Variants in CORIN observed in about 807,000 individuals in gnomAD.
The protein encoded by CORIN is corin, serine peptidase.
Under a neutral mutation model 125.3 loss-of-function variants are expected in CORIN, and 117 were observed. The observed-to-expected ratio is 0.93, with a 90% confidence interval of 0.80 to 1.09. The LOEUF (loss-of-function observed/expected upper bound fraction) is 1.09, where lower values mean the gene tolerates loss of function less well. Among genes scored for constraint, CORIN ranks in the 50% least tolerant of loss-of-function variants. CORIN has a pLI of 0.00. For missense variants in CORIN, 1,253 were observed against 1,306.7 expected, an observed-to-expected ratio of 0.96 and a Z score of 0.63; for synonymous variants, 450 against 466.4, an observed-to-expected ratio of 0.96 and a Z score of 0.45.
chr4:47,662,492 T>G (rs961266874), intron 11 of CORIN, among the ~76,000 whole-genome samples: 3 of 152,214 alleles, frequency 2.0e-5, no homozygotes, highest in Non-Finnish European at 4.4e-5. Flanking sequence ...GTATTATGTC[T>G]TTTGTCTCCA....
chr4:47,753,998 T>C (rs2109853633), intron 4 of CORIN, among the ~76,000 whole-genome samples: 1 of 152,340 alleles, frequency 6.6e-6, no homozygotes, highest in African/African-American at 2.4e-5. Flanking sequence ...GTCCCTCACT[T>C]TCCTCAACAC....
intron 5 of CORIN, among the ~76,000 whole-genome samples, chr4:47,723,781 G>A (rs1227945618): frequency 6.6e-6 from 1 of 151,850 alleles, no homozygotes; most frequent in Non-Finnish European, 1.5e-5. Context: ...AGGATCACAA[G>A]GTCAGGAAAT....
chr4:47,783,404 C>G (rs1730638449), intron 3 of CORIN, among the ~76,000 whole-genome samples: 1 of 152,048 alleles, frequency 6.6e-6, no homozygotes, highest in African/African-American at 2.4e-5. Context: ...AACTGTACTA[C>G]ATAGTGTAAT....
At chr4:47,683,531 T>C in intron 7 of CORIN, 200 bp downstream of exon 7, 1 of 453,614 alleles carries the variant, frequency 2.2e-6, no homozygotes, top group Non-Finnish European at 3.9e-6. Context: ...TTTCTTAATA[T>C]GATTTTTTAG....
At chr4:47,713,637 A>G (rs1348029972) in intron 5 of CORIN, among the ~76,000 whole-genome samples, 1 of 152,088 alleles carries the variant, frequency 6.6e-6, no homozygotes, top group Non-Finnish European at 1.5e-5. Context: ...TGCTATTTAG[A>G]GTGTGTCGCT....
Position 47,806,151 on chromosome 4 carries a change from AT to A in CORIN, c.208+751del, listed in dbSNP as rs563266960. On this transcript the variant is annotated intron_variant, in intron 2 of 21. Transcript: ENST00000273857. ...TATTTAGTTTGAGTGTGTTTTTAAGATTTTTTTTTTTAATGAAAGTCAAAGC... is the reference window on the plus strand; with the variant it reads ...TATTTAGTTTGAGTGTGTTTTTAAGATTTTTTTTTTAATGAAAGTCAAAGC... Among the ~76,000 whole-genome samples, 1,087 of 147,658 alleles carry A rather than the reference AT, an allele frequency of 7.4e-3. 12 individuals are homozygous for A. Among genetic ancestry groups the A allele is most frequent in the African/African-American group, 0.024 (985 of 40,494 alleles).
At chr4:47,712,989 A>G (rs1386385371) in intron 5 of CORIN, among the ~76,000 whole-genome samples, 1 of 152,226 alleles carries the variant, frequency 6.6e-6, no homozygotes. Context: ...TTGCTTTTAC[A>G]GGATTAACTT....
intron 19 of CORIN, among the ~76,000 whole-genome samples, chr4:47,614,085 G>C (rs927028836): frequency 6.6e-6 from 1 of 152,266 alleles, no homozygotes; most frequent in African/African-American, 2.4e-5. Context: ...GTGCAAAATA[G>C]AACAAGAAAA....
At chr4:47,616,261 T>C (rs1722063455) in intron 19 of CORIN, among the ~76,000 whole-genome samples, 1 of 152,144 alleles carries the variant, frequency 6.6e-6, no homozygotes. Context: ...AGTATATTCA[T>C]ATTAATATTC....
chr4:47,765,305 C>T (rs541179164), intron 3 of CORIN, among the ~76,000 whole-genome samples: 24 of 146,714 alleles, frequency 1.6e-4, no homozygotes, highest in African/African-American at 6.2e-4. Context: ...AGCGAGACTC[C>T]GTCCCCCAAA....
rs751480678 is a variant in CORIN at position 47,692,994 on chromosome 4, C to T, written c.889G>A (p.Asp297Asn). ...CTGCAATGAGCCTCGTCACTCCAGT[C>T]GTCACAGTCGTTGTAGCCATTACAT... is the stretch of plus-strand genomic sequence containing the variant. ...LQCNGYNDCD[D>N]WSDEAHCNCS... Residue 297 changes from aspartate (D) to asparagine (N), a missense_variant, in exon 6 of 22, where the codon GAC becomes AAC. Transcript: ENST00000273857. 11 of 1,613,600 alleles carry T rather than the reference C, an allele frequency of 6.8e-6. No individual in the cohort carries two copies. The highest frequency in any genetic ancestry group is 1.1e-5 in the South Asian group (1 of 91,068).
At chr4:47,797,051 T>C (rs1731319445) in intron 2 of CORIN, among the ~76,000 whole-genome samples, 1 of 152,000 alleles carries the variant, frequency 6.6e-6, no homozygotes, top group Non-Finnish European at 1.5e-5. Context: ...CTGTCCCCAA[T>C]ACCTATAGCA....
intron 2 of CORIN, among the ~76,000 whole-genome samples, chr4:47,802,158 G>T (rs62299255): frequency 0.09 from 13,641 of 152,270 alleles, 767 homozygotes; most frequent in East Asian, 0.27. Flanking sequence ...AGATGTGCTG[G>T]CTTCAGATGT....
intron 4 of CORIN, among the ~76,000 whole-genome samples, chr4:47,752,652 A>G (rs1172689369): frequency 1.6e-4 from 24 of 152,234 alleles, no homozygotes; most frequent in Admixed American, 1.6e-3. Flanking sequence ...TTGCTATGCC[A>G]ATAGCAGTGT....
At chr4:47,661,921 A>C in intron 11 of CORIN, 65 bp from the exon 12 acceptor site, 1 of 1,457,104 alleles carries the variant, frequency 6.9e-7, no homozygotes, top group African/African-American at 1.4e-5. Flanking sequence ...AGATGTCATA[A>C]ATTTATGTCA....
intron 12 of CORIN, among the ~76,000 whole-genome samples, chr4:47,658,206 G>A (rs1410353803): frequency 1.3e-5 from 2 of 152,210 alleles, no homozygotes; most frequent in Non-Finnish European, 2.9e-5. Context: ...CAGGCCCCAT[G>A]CAAGCCCAAA....
intron 4 of CORIN, among the ~76,000 whole-genome samples, chr4:47,748,915 T>C (rs1728779453): frequency 6.6e-6 from 1 of 152,184 alleles, no homozygotes; most frequent in Non-Finnish European, 1.5e-5. Context: ...GTAAACATCT[T>C]ACATAACTGT....
At chr4:47,635,635 T>C (rs954504860) in intron 16 of CORIN, among the ~76,000 whole-genome samples, 1 of 152,192 alleles carries the variant, frequency 6.6e-6, no homozygotes, top group Non-Finnish European at 1.5e-5. Context: ...GGCCAAATTA[T>C]GCAGTGTCTG....
At chr4:47,706,621 C>A in intron 5 of CORIN, 1 of 1,605,450 alleles carries the variant, frequency 6.2e-7, no homozygotes, top group South Asian at 1.1e-5. Context: ...TTACGGCAAG[C>A]CTGTCCATCA....
Sources: allele counts gnomAD v4.1 joint callset (sites outside exome capture counted in the v4.1 genomes callset), GRCh38; gene constraint gnomAD v4.1.1; transcripts MANE v1.5; gene names NCBI Gene and HGNC (gene_info 2026-07-23, HGNC 2026-07-21).